CHMP4B: variants seen among roughly 807,000 people sequenced by gnomAD.
The protein encoded by CHMP4B is charged multivesicular body protein 4B.
In CHMP4B, 1 loss-of-function variant was observed where a neutral mutation model predicts 25.1. The observed-to-expected ratio is 0.04, with a 90% confidence interval of 0.01 to 0.19. CHMP4B has a LOEUF of 0.19. Ranked by LOEUF, CHMP4B falls within the 10% of genes least tolerant of loss-of-function variation. The pLI, the probability that CHMP4B is intolerant of heterozygous loss-of-function variation, is 1.00. For synonymous variants in CHMP4B, 101 were observed against 115.6 expected (o/e 0.87, Z 0.81); for missense variants, 151 against 289.7 (o/e 0.52, Z 3.48).
rs543458877 is a variant in CHMP4B at position 33,854,316 on chromosome 20, G to C, written c.*756G>C. 20 of 153,038 alleles carry C rather than the reference G, an allele frequency of 1.3e-4. No homozygotes were observed. Among genetic ancestry groups the C allele is most frequent in the African/African-American group, 4.8e-4 (20 of 41,584 alleles). The allele number at this position is 153,038 out of a possible 1,614,324, so 9.5% of individuals were successfully genotyped here. A position where few individuals can be genotyped will look rare whatever the true frequency, so the allele number is the denominator to read the frequency against. On this transcript the variant is annotated 3_prime_UTR_variant, in exon 5 of 5. Transcript: ENST00000217402. ...GGAAACGTGCATACATTTATATTCA[G>C]ATGAAATTATGGTTTGCACTGTCTA... is the stretch of plus-strand genomic sequence containing the variant.
chr20:33,850,106 C>T (rs1190357950), intron 2 of CHMP4B, among the ~76,000 whole-genome samples: 2 of 152,118 alleles, frequency 1.3e-5, no homozygotes, highest in African/African-American at 2.4e-5. Context: ...ACAGTCATGC[C>T]CCTTAATTTA....
chr20:33,833,692 A>G (rs915358276), intron 1 of CHMP4B, among the ~76,000 whole-genome samples: 1 of 151,434 alleles, frequency 6.6e-6, no homozygotes, highest in Non-Finnish European at 1.5e-5. Flanking sequence ...TCCCTCCCCT[A>G]TTTTCTCATG....
chr20:33,841,795 G>A (rs991213310), intron 1 of CHMP4B, among the ~76,000 whole-genome samples: 3 of 152,160 alleles, frequency 2.0e-5, no homozygotes, highest in Admixed American at 6.5e-5. Context: ...TCATGTGTCA[G>A]CATGAGCTTT....
At chr20:33,852,025 C>T (rs957490462) in intron 3 of CHMP4B, 52 bp from the exon 4 acceptor site, 51 of 1,611,970 alleles carry the variant, frequency 3.2e-5, no homozygotes, top group Admixed American at 1.8e-4. Flanking sequence ...GGCATGACCG[C>T]GGGGGCTGGG....
At position 33,843,807 on chromosome 20, in the gene CHMP4B, A is replaced by G. The variant is rs989432288; in HGVS notation, c.191-4660A>G. Among the ~76,000 whole-genome samples the G allele has an allele frequency of 3.9e-5, 6 of 152,234 alleles. No homozygotes were observed. The East Asian group carries it at 9.6e-4, about 24-fold the overall frequency. On this transcript the variant is annotated intron_variant, in intron 1 of 4. Coordinates refer to ENST00000217402, the MANE Select transcript of CHMP4B (RefSeq NM_176812.5). ...TTTGTAAGATATAGGAGGTGGTTCAAGTGCTGTGAATATTTGTCTACATCT... is the reference window on the plus strand; with the variant it reads ...TTTGTAAGATATAGGAGGTGGTTCAGGTGCTGTGAATATTTGTCTACATCT...
intron 1 of CHMP4B, among the ~76,000 whole-genome samples, chr20:33,823,870 G>A (rs1232328052): frequency 6.6e-6 from 1 of 152,076 alleles, no homozygotes; most frequent in African/African-American, 2.4e-5. Context: ...AGATGGGGGT[G>A]TCACTATGTT....
intron 1 of CHMP4B, among the ~76,000 whole-genome samples, chr20:33,823,638 A>G (rs1474155665): frequency 6.6e-6 from 1 of 152,098 alleles, no homozygotes; most frequent in Non-Finnish European, 1.5e-5. Flanking sequence ...CCCAGATTCA[A>G]GCACTTCTCC....
rs750531175 is a variant in CHMP4B, at chr20:33,848,534, A to G, written c.258A>G (p.Leu86=). 4 of 1,614,114 alleles carry G rather than the reference A, an allele frequency of 2.5e-6. No homozygotes were observed. Among genetic ancestry groups the G allele is most frequent in the Admixed American group, 3.3e-5 (2 of 60,008 alleles). Reference sequence around the variant, plus strand: ...AGCTGGCGCAGATCGACGGCACATTATCAACCATCGAGTTCCAGCGGGAGG... The same window carrying G: ...AGCTGGCGCAGATCGACGGCACATTGTCAACCATCGAGTTCCAGCGGGAGG... ...EKQLAQIDGT[L]STIEFQREAL... The change falls in exon 2 of 5, where the codon TTA becomes TTG. Residue 86 remains leucine (L), a synonymous_variant. Transcript: ENST00000217402.
At chr20:33,835,981 C>T (rs1162628147) in intron 1 of CHMP4B, among the ~76,000 whole-genome samples, 1 of 152,242 alleles carries the variant, frequency 6.6e-6, no homozygotes, top group Admixed American at 6.5e-5. Context: ...CCAGATGCCT[C>T]TCACTAGGCC....
rs1395084320 is a variant in CHMP4B at position 33,811,411 on chromosome 20, G to A, written c.-58G>A. The A allele has an allele frequency of 2.9e-6, 4 of 1,398,350 alleles. No individual in the cohort carries two copies. Among genetic ancestry groups the A allele is most frequent in the Non-Finnish European group, 3.7e-6 (4 of 1,074,594 alleles). 86.6% of individuals were successfully genotyped at this position (1,398,350 alleles called of 1,614,324 possible). On this transcript the variant is annotated 5_prime_UTR_variant, in exon 1 of 5. Transcript: ENST00000217402. Reference sequence around the variant, plus strand: ...GCGGGCGCCGGAGCCGACCCGAGCCGAGCCGAGCCGAGCCGAGCCGGAGCG... The same window carrying A: ...GCGGGCGCCGGAGCCGACCCGAGCCAAGCCGAGCCGAGCCGAGCCGGAGCG...
chr20:33,826,965 G>A (rs2122791251), intron 1 of CHMP4B, among the ~76,000 whole-genome samples: 2 of 152,286 alleles, frequency 1.3e-5, no homozygotes, highest in Middle Eastern at 3.4e-3. Flanking sequence ...TTAAGAGAAA[G>A]CTAGTTATTC....
chr20:33,825,412 T>C (rs1375721929), intron 1 of CHMP4B, among the ~76,000 whole-genome samples: 1 of 152,208 alleles, frequency 6.6e-6, no homozygotes, highest in Admixed American at 6.5e-5. Context: ...CACAGAGCGC[T>C]GGAGTGACCA....
rs1248532606 is a variant in CHMP4B at position 33,851,047 on chromosome 20, T to C, written c.464T>C (p.Phe155Ser). The change falls in exon 3 of 5, where the codon TTT becomes TCT. Residue 155 changes from phenylalanine to serine, a missense_variant. Around this residue, in one of 3 missense-constraint regions of CHMP4B, gnomAD observed 82 missense variants for 208.3 expected, o/e 0.39. Transcript: ENST00000217402. ...ACAGCAATTTCGAAACCTGTAGGGTTTGGAGAAGAGTTTGACGAGGTGAGT... is the reference window on the plus strand; with the variant it reads ...ACAGCAATTTCGAAACCTGTAGGGTCTGGAGAAGAGTTTGACGAGGTGAGT... ...ISTAISKPVG[F>S]GEEFDEDELM... 1 of 1,611,774 alleles carries C rather than the reference T, an allele frequency of 6.2e-7. No individual in the cohort carries two copies.
intron 1 of CHMP4B, among the ~76,000 whole-genome samples, chr20:33,815,938 A>G (rs1445692693): frequency 6.6e-6 from 1 of 152,222 alleles, no homozygotes; most frequent in African/African-American, 2.4e-5. Flanking sequence ...GGGAAAAAGA[A>G]GTAAAGCAGA....
In CHMP4B at chr20:33,848,656, C is replaced by T. The variant is rs768841384; in HGVS notation, c.368+12C>T. The stretch of plus-strand genomic sequence containing the variant: ...GCCCATGACAACATGTACGTGTCCA[C>T]CCGCCCCTGCGCCACAGGGCAGTGC... On this transcript the variant is annotated intron_variant, in intron 2 of 4. Transcript: ENST00000217402. 2.5e-6 allele frequency: 4 copies of T among 1,613,930 alleles called. No homozygotes were observed. The highest frequency in any genetic ancestry group is 2.7e-5 in the African/African-American group (2 of 74,948).
intron 1 of CHMP4B, among the ~76,000 whole-genome samples, chr20:33,845,976 C>T (rs540159993): frequency 3.9e-5 from 6 of 152,216 alleles, no homozygotes; most frequent in African/African-American, 1.4e-4. Flanking sequence ...TCTGCAGGAC[C>T]GGGCAGGCCA....
intron 1 of CHMP4B, among the ~76,000 whole-genome samples, chr20:33,831,532 C>T (rs1350577816): frequency 6.6e-6 from 1 of 151,788 alleles, no homozygotes; most frequent in African/African-American, 2.4e-5. Context: ...GCCTGGCTGC[C>T]CAGCTAAGTT....
chr20:33,839,698 G>T (rs1182001639), intron 1 of CHMP4B, among the ~76,000 whole-genome samples: 8 of 152,110 alleles, frequency 5.3e-5, no homozygotes, highest in African/African-American at 1.9e-4. Flanking sequence ...AGGGCTTTCA[G>T]ATCCCCAGGC....
In CHMP4B at chr20:33,844,873, C is replaced by T. The variant is rs563764993; in HGVS notation, c.191-3594C>T. ...TCCTGGGCTCACGCCATTCTCCTGC[C>T]TCAGCCTCCCAAGTGGCTCGGACCA... On this transcript the variant is annotated intron_variant, in intron 1 of 4. Coordinates refer to ENST00000217402, the MANE Select transcript of CHMP4B (RefSeq NM_176812.5). 3.3e-5 allele frequency among the ~76,000 whole-genome samples: 5 copies of T among 152,098 alleles called. No homozygotes were observed. The East Asian group carries it at 9.7e-4, about 29-fold the overall frequency.
Sources: allele counts gnomAD v4.1 joint callset (sites outside exome capture counted in the v4.1 genomes callset), GRCh38; gene constraint gnomAD v4.1.1; regional missense constraint gnomAD v4.1.1; transcripts MANE v1.5; gene names NCBI Gene and HGNC (gene_info 2026-07-23, HGNC 2026-07-21).